Variants in FOXP3 observed in about 807,000 individuals in gnomAD.
FOXP3 encodes the protein forkhead box P3, also known as forkhead box protein P3.
Under a neutral mutation model 31.2 loss-of-function variants are expected in FOXP3, and 5 were observed. The observed-to-expected ratio is 0.16, with a 90% CI of 0.08 to 0.34. FOXP3 has a LOEUF of 0.34. Among genes scored for constraint, FOXP3 ranks in the 10% least tolerant of loss-of-function variants. The pLI is 1.00. For synonymous variants in FOXP3, 141 were observed against 148.8 expected, an observed-to-expected ratio of 0.95 and a Z score of 0.38; for missense variants, 251 against 363.0, an observed-to-expected ratio of 0.69 and a Z score of 2.51.
At chrX:49,251,936 G>A (rs2066035556) in intron 10 of FOXP3, 171 bp from the exon 11 acceptor site, 1 of 746,815 alleles carries the variant, frequency 1.3e-6, no homozygotes. Flanking sequence ...TAGAAAAGGG[G>A]TGAAGTGTCG....
At chrX:49,255,954 C>T (rs781838571) in intron 6 of FOXP3, 152 bp from the exon 7 acceptor site, 31 of 514,886 alleles carry the variant, frequency 6.0e-5, no homozygotes, top group East Asian at 3.7e-4. Flanking sequence ...TCACACCCCT[C>T]GTTCCCTTAA....
chrX:49,253,632 C>T (rs1417397801), intron 9 of FOXP3, among the ~76,000 whole-genome samples: 2 of 111,896 alleles, frequency 1.8e-5, no homozygotes, highest in Admixed American at 1.9e-4. Flanking sequence ...TTCTGATGGC[C>T]GAATATAGTA....
chrX:49,259,308 G>T, intron 1 of FOXP3: 1 of 523,586 alleles, frequency 1.9e-6, no homozygotes, highest in African/African-American at 2.3e-5. Flanking sequence ...CATTAAATAT[G>T]TGAGTGGAGG....
chrX:49,257,467 A>C lies in FOXP3; in HGVS notation c.414T>G (p.Thr138=). 1 of 1,149,274 alleles carries C rather than the reference A, an allele frequency of 8.7e-7. No individual in the cohort carries two copies. The highest frequency in any genetic ancestry group is 1.2e-6 in the Non-Finnish European group (1 of 863,189). 94.7% of individuals were successfully genotyped at this position (1,149,274 alleles called of 1,213,427 possible). Residue 138 remains threonine (T), a synonymous_variant, in exon 4 of 12, where the codon ACT becomes ACG. Coordinates refer to ENST00000376207, the MANE Select transcript of FOXP3 (RefSeq NM_014009.4). ...MISLTPPTTA[T]GVFSLKARPG... is the part of the protein sequence containing the mutation. ...GCCGGGCCTTGAGGGAGAAGACCCC[A>C]GTGGCGGTGGTGGGTGGTGTGAGGC...
chrX:49,263,710 G>A (rs2147952897), intron 1 of FOXP3, among the ~76,000 whole-genome samples: 1 of 112,223 alleles, frequency 8.9e-6, no homozygotes, highest in East Asian at 2.8e-4. Context: ...GCCAAACGCT[G>A]TGCTAAGCCT....
In FOXP3 at chrX:49,250,813, G is replaced by C; in HGVS notation, c.*521C>G. On this transcript the variant is annotated 3_prime_UTR_variant, in exon 12 of 12. Transcript: ENST00000376207. ...TGTTGACAGTGCCCCTGTGGGCCCT[G>C]AGGCTGGCTGTGGGTGCGTGCCTTG... 4.3e-6 allele frequency: 1 copy of C among 231,608 alleles called. No homozygotes were observed. The highest frequency in any genetic ancestry group is 5.1e-5 in the South Asian group (1 of 19,621). The allele number at this position is 231,608 out of a possible 1,213,427, so 19.1% of individuals were successfully genotyped here.
rs1203376716 is a variant in FOXP3 at position 49,254,280 on chromosome X, C to T, written c.817-213G>A. Among the ~76,000 whole-genome samples the T allele has an allele frequency of 1.7e-4, 19 of 111,036 alleles. No individual in the cohort carries two copies. In the Admixed American group the frequency reaches 1.8e-3, roughly 11 times the overall value. On this transcript the variant is annotated intron_variant, in intron 8 of 11. Coordinates refer to ENST00000376207, the MANE Select transcript of FOXP3 (RefSeq NM_014009.4). ...CCGAGTAGCTGGGACTACAGGTGCC[C>T]GTCACTACGCCCAGCTAATTTTTGT...
chrX:49,261,373 G>A (rs992155924), intron 1 of FOXP3, among the ~76,000 whole-genome samples: 1 of 112,726 alleles, frequency 8.9e-6, no homozygotes, highest in Admixed American at 9.3e-5. Context: ...TGGCCACTCC[G>A]CCAGAGATGG....
At chrX:49,261,747 T>C (rs2066111571) in intron 1 of FOXP3, among the ~76,000 whole-genome samples, 1 of 112,079 alleles carries the variant, frequency 8.9e-6, no homozygotes, top group East Asian at 2.8e-4. Flanking sequence ...CAGGTTCCCC[T>C]TCCCCCTTCT....
chrX:49,261,302 G>C (rs1270070035), intron 1 of FOXP3, among the ~76,000 whole-genome samples: 7 of 112,394 alleles, frequency 6.2e-5, no homozygotes, highest in Non-Finnish European at 1.1e-4. Context: ...CCTGGAAACA[G>C]AGCCAGCCTC....
rs782166614 is a variant in FOXP3 at position 49,252,602 on chromosome X, T to C, written c.1044+524A>G. On this transcript the variant is annotated intron_variant, in intron 10 of 11. Transcript: ENST00000376207. ...TGAGAAGGCATTGGGGAGGCTGAGA[T>C]GAAGGAGTTGGGATGGGGTGATGAA... 1.1e-4 allele frequency among the ~76,000 whole-genome samples: 12 copies of C among 108,960 alleles called. No individual in the cohort carries two copies. In the South Asian group the frequency reaches 4.0e-3, roughly 36 times the overall value. 94.6% of individuals were successfully genotyped at this position (108,960 alleles called of 115,157 possible).
In FOXP3 at chrX:49,255,193, C is replaced by T. The variant is rs782670407; in HGVS notation, c.816+236G>A. Reference sequence around the variant, plus strand: ...TGAACTCCTGACCTCGTGATCCACCCGCCTCGGCCTCCCAAAGTGCTGGGA... The same window carrying T: ...TGAACTCCTGACCTCGTGATCCACCTGCCTCGGCCTCCCAAAGTGCTGGGA... On this transcript the variant is annotated intron_variant, in intron 8 of 11. Coordinates refer to ENST00000376207, the MANE Select transcript of FOXP3 (RefSeq NM_014009.4). 3.6e-4 allele frequency among the ~76,000 whole-genome samples: 40 copies of T among 112,174 alleles called. No individual in the cohort carries two copies. In the South Asian group the frequency reaches 6.6e-3, roughly 19 times the overall value.
rs11465468 is a variant in FOXP3, at chrX:49,257,999, T to C, written c.211-231A>G. On this transcript the variant is annotated intron_variant, in intron 2 of 11. Transcript: ENST00000376207. ...CTCACCTACTTGGCCCCAGTCCTCT[T>C]CTCTTGTCACATGGGGATGGGGACA... Among the ~76,000 whole-genome samples, 8,718 of 111,786 alleles carry C rather than the reference T, an allele frequency of 0.078. 834 individuals are homozygous for C. The highest frequency in any genetic ancestry group is 0.27 in the African/African-American group (8,245 of 30,587).
intron 1 of FOXP3, 37 bp from the exon 2 acceptor site, chrX:49,258,564 C>T: frequency 9.5e-7 from 1 of 1,047,645 alleles, no homozygotes; most frequent in Non-Finnish European, 1.3e-6. Context: ...CACACGTGTG[C>T]TAGGGCGGTA....
chrX:49,253,080 C>T (rs2066044179), intron 10 of FOXP3, 46 bp downstream of exon 10: 1 of 1,133,589 alleles, frequency 8.8e-7, no homozygotes, highest in Non-Finnish European at 1.2e-6. Context: ...GGTCCCCCAC[C>T]CCATCTTTGT....
chrX:49,256,721 G>A (rs1199940253), intron 6 of FOXP3, 30 bp downstream of exon 6: 8 of 1,159,373 alleles, frequency 6.9e-6, no homozygotes, highest in East Asian at 3.0e-5. Flanking sequence ...AGCCAGGGCC[G>A]GTAGACTGGC....
chrX:49,256,100 G>A (rs962234690), intron 6 of FOXP3, among the ~76,000 whole-genome samples: 5 of 110,981 alleles, frequency 4.5e-5, no homozygotes, highest in Non-Finnish European at 7.5e-5. Context: ...AGCATTCTGG[G>A]TGGAGGGACG....
chrX:49,263,172 C>CAAA (rs2066120054), intron 1 of FOXP3, among the ~76,000 whole-genome samples: 1 of 33,121 alleles, frequency 3.0e-5, no homozygotes, highest in Non-Finnish European at 8.0e-5. Flanking sequence ...GACCAGACAA[C>CAAA]CAAAAAAAAA....
In FOXP3 at chrX:49,253,989, G is replaced by A. The variant is rs200928046; in HGVS notation, c.895C>T (p.Arg299Trp). ...GPVVPAWSGP[R>W]EAPDSLFAVR... The stretch of plus-strand genomic sequence containing the variant: ...GCAAACAGGCTGTCAGGGGCCTCCC[G>A]GGGGCCAGACCAGGCTGGGACGACA... The change falls in exon 9 of 12, where the codon CGG becomes TGG. Residue 299 changes from arginine to tryptophan, a missense_variant. Arg to Trp is a moderately radical substitution (Grantham distance 101, BLOSUM62 -3). Around this residue, in one of 4 missense-constraint regions of FOXP3, gnomAD observed 57 missense variants for 60.9 expected, o/e 0.94. Transcript: ENST00000376207. 2.1e-5 allele frequency: 25 copies of A among 1,208,392 alleles called. No homozygotes were observed. Among genetic ancestry groups the A allele is most frequent in the East Asian group, 3.0e-5 (1 of 33,696 alleles).
Sources: allele counts gnomAD v4.1 joint callset (sites outside exome capture counted in the v4.1 genomes callset), GRCh38; gene constraint gnomAD v4.1.1; regional missense constraint gnomAD v4.1.1; transcripts MANE v1.5; gene names NCBI Gene and HGNC (gene_info 2026-07-23, HGNC 2026-07-21).